The following SKI variants were observed in gnomAD, a reference collection of about 807,000 sequenced individuals.
SKI encodes the protein ski oncogene.
A neutral mutation model predicts 59.3 loss-of-function variants in SKI; 23 were observed. The observed-to-expected ratio is 0.39, with a 90% CI of 0.28 to 0.55. The LOEUF (loss-of-function observed/expected upper bound fraction) is 0.55, where lower values mean the gene tolerates loss of function less well. SKI is among the 20% of genes least tolerant of loss of function. The pLI, the probability that SKI is intolerant of heterozygous loss-of-function variation, is 0.67. For missense variants in SKI, 1,017 were observed against 1,038.9 expected (o/e 0.98, Z 0.29); for synonymous variants, 673 against 488.6 (o/e 1.38, Z -4.98).
intron 1 of SKI, among the ~76,000 whole-genome samples, chr1:2,236,893 C>T (rs542147835): frequency 9.4e-4 from 143 of 152,336 alleles, no homozygotes; most frequent in African/African-American, 3.2e-3. Context: ...GGAACGTCGG[C>T]GGCTGACTTA....
intron 1 of SKI, among the ~76,000 whole-genome samples, chr1:2,263,956 C>T (rs1046167135): frequency 1.6e-4 from 24 of 151,754 alleles, no homozygotes; most frequent in Non-Finnish European, 3.4e-4. Flanking sequence ...CAGGAGGATC[C>T]CTTAAGCCCA....
At chr1:2,230,629 T>C (rs1245049353) in intron 1 of SKI, among the ~76,000 whole-genome samples, 1 of 152,160 alleles carries the variant, frequency 6.6e-6, no homozygotes, top group African/African-American at 2.4e-5. Context: ...GGATCCGGCA[T>C]GGGCAGCTCC....
chr1:2,273,766 GC>G (rs1437227131), intron 1 of SKI, among the ~76,000 whole-genome samples: 1 of 152,244 alleles, frequency 6.6e-6, no homozygotes, highest in Non-Finnish European at 1.5e-5. Context: ...TGCCCCGTGG[GC>G]AGCGTTCGGG....
At chr1:2,280,008 A>G (rs1389642807) in intron 1 of SKI, among the ~76,000 whole-genome samples, 1 of 152,184 alleles carries the variant, frequency 6.6e-6, no homozygotes, top group African/African-American at 2.4e-5. Context: ...TCAGCCATTC[A>G]GGAGAAGCGC....
chr1:2,270,381 G>A lies in SKI; in HGVS notation c.970-32597G>A, dbSNP rs899570733. 1.6e-4 allele frequency among the ~76,000 whole-genome samples: 24 copies of A among 152,334 alleles called. No homozygotes were observed. Among genetic ancestry groups the A allele is most frequent in the Non-Finnish European group, 3.2e-4 (22 of 68,012 alleles). On this transcript the variant is annotated intron_variant, in intron 1 of 6. Coordinates refer to ENST00000378536, the MANE Select transcript of SKI (RefSeq NM_003036.4). This position sits in a 1 kb window ranked among gnomAD's most constrained non-coding sequence, Gnocchi z 4.1. ...TTGGACAGTGCCCATCTTGAATGCA[G>A]CCCTGGTGACCTGAAGCCCCTGCGT...
intron 1 of SKI, among the ~76,000 whole-genome samples, chr1:2,256,211 G>C (rs1188625615): frequency 1.4e-5 from 2 of 147,812 alleles, no homozygotes; most frequent in Non-Finnish European, 1.5e-5. Context: ...CCTGTCTGGA[G>C]CACTCTGTCC....
chr1:2,269,435 G>GGGACACGTTCCCC lies in SKI; in HGVS notation c.970-33542_970-33530dup, dbSNP rs1639569080. 6.6e-6 allele frequency among the ~76,000 whole-genome samples: 1 copy of GGGACACGTTCCCC among 152,226 alleles called. No individual in the cohort carries two copies. Among genetic ancestry groups the GGGACACGTTCCCC allele is most frequent in the African/African-American group, 2.4e-5 (1 of 41,458 alleles). On this transcript the variant is annotated intron_variant, in intron 1 of 6. Coordinates refer to ENST00000378536, the MANE Select transcript of SKI (RefSeq NM_003036.4). This position sits in a 1 kb window ranked among gnomAD's most constrained non-coding sequence, Gnocchi z 4.7. The stretch of plus-strand genomic sequence containing the variant: ...CACTAGTAGGCCAAGCGGACACTGC[G>GGGACACGTTCCCC]GGACACGTTCCCCAACGTGGGATGT...
At chr1:2,272,763 G>T (rs1055312681) in intron 1 of SKI, among the ~76,000 whole-genome samples, 1 of 152,124 alleles carries the variant, frequency 6.6e-6, no homozygotes, top group Non-Finnish European at 1.5e-5. Flanking sequence ...TCTGGTTCCC[G>T]TCTCCCCTGC....
rs370332723 is a variant in SKI at position 2,275,620 on chromosome 1, C to A, written c.970-27358C>A. On this transcript the variant is annotated intron_variant, in intron 1 of 6. Coordinates refer to ENST00000378536, the MANE Select transcript of SKI (RefSeq NM_003036.4). ...GCTCCGCTCCCGGGTTCACGCCATT[C>A]TCCTGCCTCAGCCTCCCAAGTAGCT... 5.3e-5 allele frequency among the ~76,000 whole-genome samples: 8 copies of A among 152,308 alleles called. No homozygotes were observed. In the East Asian group the frequency reaches 1.5e-3, roughly 29 times the overall value.
In SKI at chr1:2,229,084, A is replaced by G. The variant is rs564817940; in HGVS notation, c.318A>G (p.Glu106=). Residue 106 remains glutamate, a synonymous_variant, in exon 1 of 7, where the codon GAA becomes GAG. Transcript: ENST00000378536. The surrounding 1 kb of genome is among the most constrained non-coding windows in gnomAD (Gnocchi z 6.3). The part of the protein sequence containing the change: ...RSTERCETVL[E]GETISCFVVG... ...CCGAGCGCTGCGAGACCGTACTGGA[A>G]GGCGAGACCATCTCGTGCTTCGTGG... 1.2e-6 allele frequency: 2 copies of G among 1,608,830 alleles called. No individual in the cohort carries two copies. Among genetic ancestry groups the G allele is most frequent in the Non-Finnish European group, 1.7e-6 (2 of 1,179,832 alleles).
At chr1:2,297,535 A>G (rs1348871397) in intron 1 of SKI, among the ~76,000 whole-genome samples, 1 of 152,218 alleles carries the variant, frequency 6.6e-6, no homozygotes, top group Non-Finnish European at 1.5e-5. Context: ...GGGTTGCACC[A>G]CCATGTGGAC....
chr1:2,291,119 C>T (rs891401410), intron 1 of SKI, among the ~76,000 whole-genome samples: 1 of 152,202 alleles, frequency 6.6e-6, no homozygotes, highest in Non-Finnish European at 1.5e-5. Flanking sequence ...AGACGAGCTG[C>T]GAATGCAGGC....
intron 1 of SKI, among the ~76,000 whole-genome samples, chr1:2,256,086 C>G (rs1243414961): frequency 1.3e-5 from 2 of 151,950 alleles, no homozygotes; most frequent in Admixed American, 6.6e-5. Flanking sequence ...ACTCTGTGTA[C>G]TGACCTCATT....
intron 1 of SKI, among the ~76,000 whole-genome samples, chr1:2,295,079 C>T (rs935651381): frequency 1.3e-5 from 2 of 152,246 alleles, no homozygotes; most frequent in Non-Finnish European, 2.9e-5. Context: ...AACTAGGCTT[C>T]CAGAGGTGAA....
chr1:2,284,929 T>G (rs4648821), intron 1 of SKI, among the ~76,000 whole-genome samples: 65,920 of 152,112 alleles, frequency 0.43, 14,600 homozygotes, highest in East Asian at 0.58. Flanking sequence ...AGGTGCACCA[T>G]GCGGGCCTTT....
intron 5 of SKI, among the ~76,000 whole-genome samples, chr1:2,305,679 C>T (rs1163770836): frequency 2.0e-5 from 3 of 152,184 alleles, no homozygotes; most frequent in Non-Finnish European, 4.4e-5. Context: ...AGGCTGCCCT[C>T]CTCACATTGA....
At chr1:2,280,145 GGC>G (rs1192651502) in intron 1 of SKI, among the ~76,000 whole-genome samples, 1 of 151,952 alleles carries the variant, frequency 6.6e-6, no homozygotes, top group African/African-American at 2.4e-5. Context: ...CGAGGCGGGT[GGC>G]TAATGAGGTC....
rs1402734201 is a variant in SKI at position 2,267,449 on chromosome 1, G to T, written c.970-35529G>T. ...CGACAGGAATGTCCCACGTCCTCTC[G>T]TGTGCTGTCGGGAGACAAACCTCTT... is the stretch of plus-strand genomic sequence containing the variant. On this transcript the variant is annotated intron_variant, in intron 1 of 6. Coordinates refer to ENST00000378536, the MANE Select transcript of SKI (RefSeq NM_003036.4). The surrounding 1 kb of genome is among the most constrained non-coding windows in gnomAD (Gnocchi z 4.1). 6.6e-6 allele frequency among the ~76,000 whole-genome samples: 1 copy of T among 152,178 alleles called. No homozygotes were observed. The highest frequency in any genetic ancestry group is 1.5e-5 in the Non-Finnish European group (1 of 68,028).
At chr1:2,237,328 C>T (rs1638769834) in intron 1 of SKI, among the ~76,000 whole-genome samples, 1 of 152,214 alleles carries the variant, frequency 6.6e-6, no homozygotes, top group Non-Finnish European at 1.5e-5. Context: ...GGCTTAGGTG[C>T]TCCCTGCGGT....
Sources: allele counts gnomAD v4.1 joint callset (sites outside exome capture counted in the v4.1 genomes callset), GRCh38; gene constraint gnomAD v4.1.1; non-coding constraint Gnocchi (gnomAD v3.1); transcripts MANE v1.5; gene names NCBI Gene and HGNC (gene_info 2026-07-23, HGNC 2026-07-21).